Variants in FRMD1 observed in about 807,000 individuals in gnomAD.
The protein encoded by FRMD1 is FERM domain containing 1, also known as FERM domain-containing protein 1.
FRMD1 carries 51 observed loss-of-function variants against 54.9 expected under a neutral mutation model. That is an observed-to-expected ratio of 0.93 (90% CI 0.74 to 1.17). The LOEUF (loss-of-function observed/expected upper bound fraction) is 1.17. FRMD1 is among the 50% of genes most tolerant of loss of function. The pLI, the probability that FRMD1 is intolerant of heterozygous loss-of-function variation, is 0.00. For synonymous variants in FRMD1, 324 were observed against 306.4 expected (o/e 1.06, Z -0.60); for missense variants, 729 against 743.0 (o/e 0.98, Z 0.22).
intron 2 of FRMD1, among the ~76,000 whole-genome samples, chr6:168,069,424 G>A (rs987145598): frequency 5.3e-5 from 8 of 152,190 alleles, no homozygotes; most frequent in South Asian, 4.1e-4. Context: ...AGCAAATGCC[G>A]AGTGAAAAGG....
In FRMD1 at chr6:168,065,065, G is replaced by A; in HGVS notation, c.462-8C>T. 1 of 1,594,748 alleles carries A rather than the reference G, an allele frequency of 6.3e-7. No homozygotes were observed. The highest frequency in any genetic ancestry group is 8.6e-7 in the Non-Finnish European group (1 of 1,168,098). On this transcript the variant is annotated splice_polypyrimidine_tract_variant and splice_region_variant and intron_variant, in intron 4 of 10. Transcript: ENST00000283309. ...TGCCGTGCCCTGTGGTCGCTGGAAG[G>A]TGGCAGGGAGTGAGTTCCAGGACGA...
chr6:168,059,060 G>A lies in FRMD1; in HGVS notation c.1407+64C>T. The A allele has an allele frequency of 7.5e-7, 1 of 1,341,040 alleles. No individual in the cohort carries two copies. The highest frequency in any genetic ancestry group is 1.0e-6 in the Non-Finnish European group (1 of 968,898). The allele number at this position is 1,341,040 out of a possible 1,614,324, so 83.1% of individuals were successfully genotyped here. A position where few individuals can be genotyped will look rare whatever the true frequency, so the allele number is the denominator to read the frequency against. The stretch of plus-strand genomic sequence containing the variant: ...GGAAGGTCCCCAGGGCCCCTGACAG[G>A]GGACCTAGGAGAAGGGGGTGGAGGA... On this transcript the variant is annotated intron_variant, in intron 10 of 10. Coordinates refer to ENST00000283309, the MANE Select transcript of FRMD1 (RefSeq NM_024919.6). This position sits in a 1 kb window ranked among gnomAD's most constrained non-coding sequence, Gnocchi z 4.4.
chr6:168,058,253 C>T (rs1799519727), intron 10 of FRMD1, among the ~76,000 whole-genome samples: 1 of 145,406 alleles, frequency 6.9e-6, no homozygotes, highest in African/African-American at 2.6e-5. Flanking sequence ...GTGCCCAGCC[C>T]TGTTCTCTCT....
chr6:168,066,154 C>T (rs1222336800), intron 4 of FRMD1: 3 of 986,888 alleles, frequency 3.0e-6, no homozygotes, highest in Non-Finnish European at 3.6e-6. Flanking sequence ...GCCTCGCCCA[C>T]CCCCGGATGG....
intron 10 of FRMD1, among the ~76,000 whole-genome samples, chr6:168,058,579 G>A (rs1038635404): frequency 6.6e-6 from 1 of 152,130 alleles, no homozygotes; most frequent in Admixed American, 6.5e-5. Context: ...GGGTGGGGAG[G>A]GCAACTCGGA....
rs1210627011 is a variant in FRMD1, at chr6:168,074,784, GGT to G, written c.304+459_304+460del. Among the ~76,000 whole-genome samples, 11 of 139,106 alleles carry G rather than the reference GGT, an allele frequency of 7.9e-5. 1 individual carries two copies. The highest frequency in any genetic ancestry group is 1.6e-4 in the African/African-American group (6 of 36,672). 91.3% of individuals were successfully genotyped at this position (139,106 alleles called of 152,430 possible). On this transcript the variant is annotated intron_variant, in intron 2 of 10. Transcript: ENST00000283309. ...TGCATGCATGTGTACATGTGTGACT[GGT>G]GTGTGTGTGCATGTGTGTGGTGTAT...
chr6:168,072,409 G>A (rs1039101031), intron 2 of FRMD1, among the ~76,000 whole-genome samples: 3 of 152,206 alleles, frequency 2.0e-5, no homozygotes, highest in Admixed American at 6.5e-5. Context: ...TGCGAACCAC[G>A]TCTCCCAGAG....
chr6:168,075,169 G>A (rs772885395), intron 2 of FRMD1, 76 bp downstream of exon 2: 2 of 1,175,444 alleles, frequency 1.7e-6, no homozygotes, highest in Non-Finnish European at 2.5e-6. Context: ...GGATGTGTGT[G>A]GTGTGCCCAC....
rs1349594768 is a variant in FRMD1 at position 168,055,135 on chromosome 6, T to A, written c.*1962A>T. The stretch of plus-strand genomic sequence containing the variant: ...AGTGGGGCCAGAGAAGCTTCTCGGG[T>A]CAGCCAGGGGCCATGGCTGCCTCGC... On this transcript the variant is annotated 3_prime_UTR_variant, in exon 11 of 11. Transcript: ENST00000283309. The A allele has an allele frequency of 6.6e-6, 1 of 152,212 alleles. No individual in the cohort carries two copies. Among genetic ancestry groups the A allele is most frequent in the African/African-American group, 2.4e-5 (1 of 41,460 alleles). 9.4% of individuals were successfully genotyped at this position (152,212 alleles called of 1,614,324 possible).
chr6:168,058,498 G>A (rs1453546538), intron 10 of FRMD1, among the ~76,000 whole-genome samples: 1 of 151,914 alleles, frequency 6.6e-6, no homozygotes, highest in Admixed American at 6.6e-5. Context: ...TGTCTTTCCA[G>A]GGGGATTCTG....
chr6:168,059,289 C>A lies in FRMD1; in HGVS notation c.1343-101G>T. Reference sequence around the variant, plus strand: ...CACTTCTGGGGCCCTGGTCTCGGACCGGCATCTCCTGAGGCTCACACCGCC... The same window carrying A: ...CACTTCTGGGGCCCTGGTCTCGGACAGGCATCTCCTGAGGCTCACACCGCC... On this transcript the variant is annotated intron_variant, in intron 9 of 10. Coordinates refer to ENST00000283309, the MANE Select transcript of FRMD1 (RefSeq NM_024919.6). The surrounding 1 kb of genome is among the most constrained non-coding windows in gnomAD (Gnocchi z 4.4). 8 of 976,902 alleles carry A rather than the reference C, an allele frequency of 8.2e-6. No homozygotes were observed. The South Asian group carries it at 1.2e-4, about 15-fold the overall frequency. 60.5% of individuals were successfully genotyped at this position (976,902 alleles called of 1,614,324 possible).
At chr6:168,079,980 G>A (rs1252238318), upstream of FRMD1, among the ~76,000 whole-genome samples, 2 of 152,174 alleles carry the variant, frequency 1.3e-5, no homozygotes, top group Non-Finnish European at 2.9e-5. Flanking sequence ...CTGCAGGTCA[G>A]GAGAGGCAGT....
upstream of FRMD1, among the ~76,000 whole-genome samples, chr6:168,079,796 G>T (rs557259137): frequency 6.6e-6 from 1 of 152,222 alleles, no homozygotes; most frequent in African/African-American, 2.4e-5. Context: ...TGGCTTGCGT[G>T]GACAGCAGCC....
chr6:168,067,567 A>C (rs1800107065), intron 2 of FRMD1, 121 bp from the exon 3 acceptor site: 1 of 657,308 alleles, frequency 1.5e-6, no homozygotes. Context: ...GTGCGTCTGC[A>C]GCTGACGCTG....
chr6:168,082,644 C>T (rs1404670611), upstream of FRMD1, among the ~76,000 whole-genome samples: 3 of 152,144 alleles, frequency 2.0e-5, no homozygotes, highest in African/African-American at 4.8e-5. Flanking sequence ...TGTTCAGGGC[C>T]CCAGGCTCCA....
rs1417653155 is a variant in FRMD1 at position 168,066,811 on chromosome 6, G to T, written c.405C>A (p.Ala135=). The T allele has an allele frequency of 6.2e-7, 1 of 1,613,814 alleles. No homozygotes were observed. The highest frequency in any genetic ancestry group is 1.3e-5 in the African/African-American group (1 of 74,894). ...GCACTCGGAGGAAGGCCACGAAGGGGGCTCTGGGTTTCTCATTTCCCTAGT... is the reference window on the plus strand; with the variant it reads ...GCACTCGGAGGAAGGCCACGAAGGGTGCTCTGGGTTTCTCATTTCCCTAGT... The part of the protein sequence containing the change: ...ERNEGNEKPR[A]PFVAFLRVQH... The change falls in exon 4 of 11, where the codon GCC becomes GCA. Residue 135 remains alanine (A), a synonymous_variant. Transcript: ENST00000283309.
rs145456327 is a variant in FRMD1, at chr6:168,075,141, T to C, written c.304+104A>G. 1.7e-5 allele frequency: 15 copies of C among 896,584 alleles called. No homozygotes were observed. In the East Asian group the frequency reaches 3.4e-4, roughly 20 times the overall value. 55.5% of individuals were successfully genotyped at this position (896,584 alleles called of 1,614,324 possible). A position where few individuals can be genotyped will look rare whatever the true frequency, so the allele number is the denominator to read the frequency against. The stretch of plus-strand genomic sequence containing the variant: ...TGCATGTGTACATATGAGAGTGGTG[T>C]ATAACTGTGTACATTATGGATGTGT... On this transcript the variant is annotated intron_variant, in intron 2 of 10. Coordinates refer to ENST00000283309, the MANE Select transcript of FRMD1 (RefSeq NM_024919.6).
intron 4 of FRMD1, 152 bp downstream of exon 4, chr6:168,066,603 C>T: frequency 7.0e-7 from 1 of 1,422,144 alleles, no homozygotes; most frequent in Non-Finnish European, 9.2e-7. Flanking sequence ...TGTGTTAACC[C>T]CAAAGCAAAC....
intron 4 of FRMD1, chr6:168,065,662 C>T: frequency 2.0e-6 from 2 of 986,942 alleles, no homozygotes; most frequent in Non-Finnish European, 2.4e-6. Context: ...TATTCACACA[C>T]CCCTCACTCT....
Sources: allele counts gnomAD v4.1 joint callset (sites outside exome capture counted in the v4.1 genomes callset), GRCh38; gene constraint gnomAD v4.1.1; non-coding constraint Gnocchi (gnomAD v3.1); transcripts MANE v1.5; gene names NCBI Gene and HGNC (gene_info 2026-07-23, HGNC 2026-07-21).